RSAD2: variants seen among roughly 807,000 people sequenced by gnomAD.
RSAD2 encodes radical S-adenosyl methionine domain containing 2.
A neutral mutation model predicts 37.7 loss-of-function variants in RSAD2; 38 were observed. That is an observed-to-expected ratio of 1.01 (90% CI 0.78 to 1.32). The LOEUF (loss-of-function observed/expected upper bound fraction) is 1.32, where lower values mean the gene tolerates loss of function less well. RSAD2 is among the 40% of genes most tolerant of loss of function. RSAD2 has a pLI of 0.00. For synonymous variants in RSAD2, 163 were observed against 157.4 expected (o/e 1.04, Z -0.27); for missense variants, 428 against 437.5 (o/e 0.98, Z 0.19).
At chr2:6,882,624 A>G (rs181482031) in intron 1 of RSAD2, among the ~76,000 whole-genome samples, 4 of 152,322 alleles carry the variant, frequency 2.6e-5, no homozygotes, top group Admixed American at 2.6e-4. Context: ...TCTTTATAAC[A>G]TAAAGAGCTA....
At chr2:6,876,571 T>C (rs1663285575), upstream of RSAD2, 1 of 152,314 alleles carries the variant, frequency 6.6e-6, no homozygotes, top group Admixed American at 6.5e-5. Context: ...TTAAGAAACT[T>C]TGGGCTGAGA....
intron 1 of RSAD2, among the ~76,000 whole-genome samples, chr2:6,871,427 C>T (rs1183807937): frequency 6.6e-6 from 1 of 152,204 alleles, no homozygotes; most frequent in Non-Finnish European, 1.5e-5. Context: ...ATTTATGTTA[C>T]TTTGGCATTA....
At chr2:6,892,865 A>G (rs1248381233) in intron 4 of RSAD2, among the ~76,000 whole-genome samples, 1 of 152,218 alleles carries the variant, frequency 6.6e-6, no homozygotes, top group Non-Finnish European at 1.5e-5. Flanking sequence ...ACAGGATGCA[A>G]GTTAAGACTT....
rs1663813568 is a variant in RSAD2, at chr2:6,897,940, A to C, written c.*1998A>C. The C allele has an allele frequency of 6.7e-6, 1 of 148,672 alleles. No homozygotes were observed. Among genetic ancestry groups the C allele is most frequent in the African/African-American group, 2.5e-5 (1 of 40,096 alleles). 9.2% of individuals were successfully genotyped at this position (148,672 alleles called of 1,614,324 possible). Reference sequence around the variant, plus strand: ...TGAACCCTGAAGGCAGAGGTTACAGAGCCAAGATAGCGCCACTGCACTCCA... The same window carrying C: ...TGAACCCTGAAGGCAGAGGTTACAGCGCCAAGATAGCGCCACTGCACTCCA... On this transcript the variant is annotated 3_prime_UTR_variant, in exon 6 of 6. Transcript: ENST00000382040.
At chr2:6,865,966 G>T in exon 1 of RSAD2, 1 of 1,088,258 alleles carries the variant, frequency 9.2e-7, no homozygotes, top group South Asian at 1.7e-5. Flanking sequence ...CCAGGTGCGC[G>T]GCTCCGCGGG....
chr2:6,887,181 G>A lies in RSAD2; in HGVS notation c.738+17G>A, dbSNP rs761061279. On this transcript the variant is annotated intron_variant, in intron 3 of 5. Coordinates refer to ENST00000382040, the MANE Select transcript of RSAD2 (RefSeq NM_080657.5). ...CGCTGGAAAGTAAGTACACAAGGTC[G>A]CTTTTGCTGATTTCCTTCAAGAAAA... 5.7e-6 allele frequency: 9 copies of A among 1,588,272 alleles called. No homozygotes were observed. Among genetic ancestry groups the A allele is most frequent in the South Asian group, 2.2e-5 (2 of 90,128 alleles).
At chr2:6,895,228 T>C (rs1663747903) in intron 5 of RSAD2, among the ~76,000 whole-genome samples, 1 of 152,246 alleles carries the variant, frequency 6.6e-6, no homozygotes, top group Non-Finnish European at 1.5e-5. Context: ...GGAAGACTCC[T>C]CTTGATCTGG....
intron 1 of RSAD2, among the ~76,000 whole-genome samples, chr2:6,871,141 G>A (rs554444360): frequency 6.6e-5 from 10 of 152,196 alleles, no homozygotes; most frequent in Non-Finnish European, 1.5e-4. Context: ...ATCTCTCTTC[G>A]GGAAAATAAC....
intron 2 of RSAD2, among the ~76,000 whole-genome samples, chr2:6,885,925 C>G (rs541713563): frequency 6.6e-6 from 1 of 152,158 alleles, no homozygotes; most frequent in Admixed American, 6.5e-5. Context: ...TATTCTGGCT[C>G]CAGTTTATGC....
At chr2:6,890,074 C>A in intron 3 of RSAD2, 102 bp from the exon 4 acceptor site, 1 of 1,117,434 alleles carries the variant, frequency 8.9e-7, no homozygotes, top group Non-Finnish European at 1.3e-6. Context: ...CTCGTAGAGT[C>A]TCTTTGCTCA....
In RSAD2 at chr2:6,883,528, T is replaced by C. The variant is rs375941624; in HGVS notation, c.504T>C (p.Asn168=). The C allele has an allele frequency of 2.3e-5, 37 of 1,614,044 alleles. No individual in the cohort carries two copies. The African/African-American group carries it at 4.7e-4, about 20-fold the overall frequency. ...TGATCCGGGAGAGGTGGTTCCAGAA[T>C]TATGGTGTGCTCCATGGGATGGCAT... The part of the protein sequence containing the change: ...GSLIRERWFQ[N]YGEYLDILAI... Residue 168 remains asparagine (N), a synonymous_variant, in exon 2 of 6, where the codon AAT becomes AAC. Coordinates refer to ENST00000382040, the MANE Select transcript of RSAD2 (RefSeq NM_080657.5).
chr2:6,887,125 G>A lies in RSAD2; in HGVS notation c.699G>A (p.Met233Ile), dbSNP rs779080694. The change falls in exon 3 of 6, where the codon ATG becomes ATA. Residue 233 changes from methionine (M) to isoleucine (I), a missense_variant. Met to Ile is a conservative substitution (Grantham distance 10, BLOSUM62 1). Transcript: ENST00000382040. ...ATCGTTTCAACGTGGAAGAGGACAT[G>A]ACGGAACAGATCAAAGCACTAAACC... The part of the protein sequence containing the change: ...VINRFNVEED[M>I]TEQIKALNPV... 2 of 1,613,188 alleles carry A rather than the reference G, an allele frequency of 1.2e-6. No individual in the cohort carries two copies. The highest frequency in any genetic ancestry group is 1.7e-6 in the Non-Finnish European group (2 of 1,179,202).
At chr2:6,888,245 G>A (rs1663561325) in intron 3 of RSAD2, among the ~76,000 whole-genome samples, 1 of 152,184 alleles carries the variant, frequency 6.6e-6, no homozygotes, top group Admixed American at 6.5e-5. Flanking sequence ...AAGCTGTCCT[G>A]TAATATGTGG....
At chr2:6,868,833 A>G (rs1572149905) in intron 1 of RSAD2, among the ~76,000 whole-genome samples, 1 of 152,080 alleles carries the variant, frequency 6.6e-6, no homozygotes, top group Non-Finnish European at 1.5e-5. Context: ...GCCTCAAACC[A>G]TGATTGCTGT....
intron 2 of RSAD2, chr2:6,883,754 A>G: frequency 1.8e-6 from 1 of 559,502 alleles, no homozygotes; most frequent in South Asian, 2.2e-5. Flanking sequence ...GTTAGATAAT[A>G]GACCTTTTAC....
At chr2:6,869,176 A>G (rs1267347942) in intron 1 of RSAD2, among the ~76,000 whole-genome samples, 1 of 152,206 alleles carries the variant, frequency 6.6e-6, no homozygotes, top group Non-Finnish European at 1.5e-5. Context: ...CAGGTGGTGA[A>G]GGACTCAAAA....
chr2:6,870,831 C>T (rs912355424), intron 1 of RSAD2, among the ~76,000 whole-genome samples: 1 of 152,216 alleles, frequency 6.6e-6, no homozygotes, highest in Non-Finnish European at 1.5e-5. Context: ...TGTCAGGTCA[C>T]TGCAATGAGT....
At chr2:6,885,960 C>T (rs550727856) in intron 2 of RSAD2, among the ~76,000 whole-genome samples, 55 of 152,254 alleles carry the variant, frequency 3.6e-4, no homozygotes, top group African/African-American at 1.3e-3. Flanking sequence ...GCGTATGTTA[C>T]ATACGGATAA....
intron 1 of RSAD2, among the ~76,000 whole-genome samples, chr2:6,866,907 A>G (rs1663104872): frequency 6.6e-6 from 1 of 152,186 alleles, no homozygotes; most frequent in African/African-American, 2.4e-5. Flanking sequence ...AACGTGAAAT[A>G]TAGATAGGTG....
Sources: gnomAD v4.1 joint callset for allele counts (sites outside exome capture counted in the v4.1 genomes callset) on GRCh38, gnomAD v4.1.1 for gene constraint, MANE v1.5 for transcripts, NCBI Gene and HGNC (gene_info 2026-07-23, HGNC 2026-07-21) for gene names.